The following LAMA2 variants were observed in gnomAD, a reference collection of about 807,000 sequenced individuals.
The protein encoded by LAMA2 is laminin subunit alpha-2.
LAMA2 carries 269 observed loss-of-function variants against 364.8 expected under a neutral mutation model. That is an observed-to-expected ratio of 0.74 (90% CI 0.67 to 0.82). The LOEUF (loss-of-function observed/expected upper bound fraction) is 0.82. Ranked by LOEUF, LAMA2 falls within the 40% of genes least tolerant of loss-of-function variation. The pLI is 0.00. For synonymous variants in LAMA2, 1,379 were observed against 1,370.6 expected, an observed-to-expected ratio of 1.01 and a Z score of -0.14; for missense variants, 3,807 against 3,873.2, an observed-to-expected ratio of 0.98 and a Z score of 0.45.
chr6:129,361,508 G>A (rs573736245), intron 32 of LAMA2, among the ~76,000 whole-genome samples: 5 of 152,304 alleles, frequency 3.3e-5, no homozygotes, highest in South Asian at 4.1e-4. Flanking sequence ...CCACTGTCAC[G>A]CCTAGGGGCT....
chr6:129,257,564 T>G (rs1296882320), intron 14 of LAMA2, among the ~76,000 whole-genome samples: 1 of 152,176 alleles, frequency 6.6e-6, no homozygotes, highest in African/African-American at 2.4e-5. Flanking sequence ...ATGTCAATTT[T>G]ATATGAGAAA....
In LAMA2 at chr6:129,505,258, G is replaced by A; in HGVS notation, c.8606G>A (p.Arg2869Lys). The change falls in exon 61 of 65, where the codon AGA becomes AAA. Residue 2869 changes from arginine (R) to lysine (K), a missense_variant. By Grantham distance (26) the Arg-to-Lys change is conservative. Around this residue, in one of 3 missense-constraint regions of LAMA2, gnomAD observed 3,333 missense variants for 3,345.7 expected, o/e 1.00. Transcript: ENST00000421865. Reference sequence around the variant, plus strand: ...CTTTATGTAGATGGGGCTTCCAACAGAACCATCAGTCCCAAAAAAGCCGAC... The same window carrying A: ...CTTTATGTAGATGGGGCTTCCAACAAAACCATCAGTCCCAAAAAAGCCGAC... ...GILYVDGASN[R>K]TISPKKADIL... 6.2e-7 allele frequency: 1 copy of A among 1,613,734 alleles called. No individual in the cohort carries two copies. The highest frequency in any genetic ancestry group is 8.5e-7 in the Non-Finnish European group (1 of 1,179,712).
chr6:129,193,415 C>T (rs112153290), intron 12 of LAMA2, among the ~76,000 whole-genome samples: 1,606 of 152,298 alleles, frequency 0.011, 30 homozygotes, highest in African/African-American at 0.037. Context: ...ATTGGAAGCA[C>T]GTTTGTTTTA....
chr6:128,888,327 G>A (rs1220265441), intron 1 of LAMA2, among the ~76,000 whole-genome samples: 1 of 152,224 alleles, frequency 6.6e-6, no homozygotes, highest in Non-Finnish European at 1.5e-5. Context: ...AATGTTTACA[G>A]TGAGTAAAGA....
intron 10 of LAMA2, 24 bp downstream of exon 10, chr6:129,177,890 T>C: frequency 6.2e-7 from 1 of 1,609,694 alleles, no homozygotes; most frequent in Non-Finnish European, 8.5e-7. Context: ...TCCAGTAATG[T>C]CCCACTGTCA....
At chr6:129,427,554 T>G (rs926428802) in intron 40 of LAMA2, among the ~76,000 whole-genome samples, 198 bp from the exon 41 acceptor site, 4 of 152,212 alleles carry the variant, frequency 2.6e-5, no homozygotes, top group Admixed American at 2.6e-4. Context: ...AAGAACTCTG[T>G]TCTAGATCTT....
intron 1 of LAMA2, among the ~76,000 whole-genome samples, chr6:128,997,591 T>C (rs1001363040): frequency 5.3e-5 from 8 of 151,772 alleles, no homozygotes; most frequent in Admixed American, 5.3e-4. Context: ...GGTCAGGGGT[T>C]CCAGACCAGC....
chr6:129,231,129 T>G (rs533408585), intron 12 of LAMA2, among the ~76,000 whole-genome samples: 74 of 152,244 alleles, frequency 4.9e-4, no homozygotes, highest in African/African-American at 1.7e-3. Context: ...TGGAATTTTT[T>G]TCTATATGTT....
intron 1 of LAMA2, among the ~76,000 whole-genome samples, chr6:128,953,114 G>A (rs1296919247): frequency 6.6e-6 from 1 of 152,118 alleles, no homozygotes; most frequent in Non-Finnish European, 1.5e-5. Context: ...ACACAGGGCA[G>A]CTTAGGTCAC....
chr6:128,912,523 T>C (rs1046764066), intron 1 of LAMA2, among the ~76,000 whole-genome samples: 1 of 151,378 alleles, frequency 6.6e-6, no homozygotes, highest in Non-Finnish European at 1.5e-5. Context: ...ATTCATTTGT[T>C]AGTTGTTTAA....
intron 1 of LAMA2, among the ~76,000 whole-genome samples, chr6:129,031,687 A>G (rs1373739102): frequency 6.6e-6 from 1 of 152,178 alleles, no homozygotes; most frequent in African/African-American, 2.4e-5. Context: ...CAATACATAC[A>G]TCTTTTTAAA....
intron 1 of LAMA2, among the ~76,000 whole-genome samples, chr6:128,910,542 A>AT (rs1323062547): frequency 6.6e-6 from 1 of 151,430 alleles, no homozygotes; most frequent in East Asian, 1.9e-4. Flanking sequence ...ATTCTTCTAA[A>AT]TTTTTTTCAA....
chr6:128,946,902 G>A (rs1417519163), intron 1 of LAMA2, among the ~76,000 whole-genome samples: 1 of 152,280 alleles, frequency 6.6e-6, no homozygotes, highest in East Asian at 1.9e-4. Context: ...TATTTAAGAA[G>A]GTTGAGAGAT....
chr6:129,316,182 A>T lies in LAMA2; in HGVS notation c.4058+11A>T, dbSNP rs748655373. 16 of 1,591,462 alleles carry T rather than the reference A, an allele frequency of 1.0e-5. No individual in the cohort carries two copies. In the South Asian group the frequency reaches 1.8e-4, roughly 18 times the overall value. ...CATGCGACAAAGCAGGTAAACTCTA[A>T]TAGAAAATATTCAAGCTCTTATTTT... On this transcript the variant is annotated intron_variant, in intron 27 of 64. Transcript: ENST00000421865.
At chr6:129,419,468 G>C (rs1780963018) in intron 40 of LAMA2, among the ~76,000 whole-genome samples, 1 of 152,066 alleles carries the variant, frequency 6.6e-6, no homozygotes, top group Admixed American at 6.6e-5. Context: ...GACTCTTTGT[G>C]GTATGGGCCC....
intron 52 of LAMA2, among the ~76,000 whole-genome samples, chr6:129,474,986 GA>G (rs1783995730): frequency 6.6e-6 from 1 of 152,154 alleles, no homozygotes; most frequent in Admixed American, 6.6e-5. Context: ...AAGTGCAAAA[GA>G]TGTGGTAAAC....
At chr6:128,979,643 A>G (rs1048891161) in intron 1 of LAMA2, among the ~76,000 whole-genome samples, 2 of 152,194 alleles carry the variant, frequency 1.3e-5, no homozygotes, top group South Asian at 2.1e-4. Flanking sequence ...AGAACAAACT[A>G]TCTTGCAAGG....
chr6:129,389,250 A>G (rs1779188947), intron 35 of LAMA2, among the ~76,000 whole-genome samples: 1 of 152,232 alleles, frequency 6.6e-6, no homozygotes, highest in Admixed American at 6.5e-5. Context: ...TGATTCAAAT[A>G]TTTCTGCTAA....
chr6:129,387,312 C>T (rs1263303690), intron 35 of LAMA2, among the ~76,000 whole-genome samples: 1 of 152,154 alleles, frequency 6.6e-6, no homozygotes, highest in Non-Finnish European at 1.5e-5. Flanking sequence ...AAAAGCTCAT[C>T]ACCACTGATC....
Sources: allele counts gnomAD v4.1 joint callset (sites outside exome capture counted in the v4.1 genomes callset), GRCh38; gene constraint gnomAD v4.1.1; regional missense constraint gnomAD v4.1.1; transcripts MANE v1.5; gene names NCBI Gene and HGNC (gene_info 2026-07-23, HGNC 2026-07-21).